MLIP: variants seen among roughly 807,000 people sequenced by gnomAD.
The protein encoded by MLIP is muscular LMNA-interacting protein.
A neutral mutation model predicts 84.8 loss-of-function variants in MLIP; 79 were observed. The observed-to-expected ratio is 0.93, with a 90% CI of 0.78 to 1.12. The LOEUF is 1.12. Ranked by LOEUF, MLIP falls within the 50% of genes most tolerant of loss-of-function variation. The pLI, the probability that MLIP is intolerant of heterozygous loss-of-function variation, is 0.00. For synonymous variants in MLIP, 504 were observed against 463.0 expected (o/e 1.09, Z -1.14); for missense variants, 1,257 against 1,160.6 (o/e 1.08, Z -1.21).
At chr6:54,048,629 C>A (rs1269684503) in intron 1 of MLIP, among the ~76,000 whole-genome samples, 1 of 152,096 alleles carries the variant, frequency 6.6e-6, no homozygotes, top group Admixed American at 6.6e-5. Flanking sequence ...GGAGCTAAAA[C>A]GAATGTTCAA....
At chr6:54,112,920 TA>T (rs1253612160) in intron 1 of MLIP, among the ~76,000 whole-genome samples, 1 of 152,174 alleles carries the variant, frequency 6.6e-6, no homozygotes, top group Non-Finnish European at 1.5e-5. Flanking sequence ...TGTCAACTTT[TA>T]AAAAGTTCAT....
At chr6:54,075,247 CAAAAAA>C (rs35589839) in intron 1 of MLIP, among the ~76,000 whole-genome samples, 3 of 93,894 alleles carry the variant, frequency 3.2e-5, no homozygotes, top group Non-Finnish European at 6.1e-5. Flanking sequence ...AACTCCGTCT[CAAAAAA>C]AAAAAAAAAA....
At chr6:54,175,934 T>C (rs1012444269) in intron 9 of MLIP, among the ~76,000 whole-genome samples, 2 of 152,046 alleles carry the variant, frequency 1.3e-5, no homozygotes, top group African/African-American at 4.8e-5. Context: ...GAGAGTTTTT[T>C]AATCATGAAG....
At chr6:54,168,325 T>C (rs1163416527) in intron 8 of MLIP, among the ~76,000 whole-genome samples, 2 of 151,746 alleles carry the variant, frequency 1.3e-5, no homozygotes, top group East Asian at 1.9e-4. Context: ...AATTGTAGAC[T>C]CCCAGCACTC....
rs948038108 is a variant in MLIP, at chr6:54,136,062, T to C, written c.646-653T>C. ...AATCATTTGTTAAATGTTCATTATA[T>C]GTTCATGTTAAATGTTCATTCTGGC... On this transcript the variant is annotated intron_variant, in intron 3 of 13. Coordinates refer to ENST00000502396, the MANE Select transcript of MLIP (RefSeq NM_001281747.2). 2.0e-5 allele frequency among the ~76,000 whole-genome samples: 3 copies of C among 152,332 alleles called. No homozygotes were observed. In the East Asian group the frequency reaches 5.8e-4, roughly 29 times the overall value.
At chr6:54,219,903 C>T (rs1416306589) in intron 11 of MLIP, among the ~76,000 whole-genome samples, 2 of 152,186 alleles carry the variant, frequency 1.3e-5, no homozygotes, top group African/African-American at 2.4e-5. Context: ...GCTAGACATA[C>T]GATTTATCAT....
chr6:54,105,041 A>C (rs529185625), intron 1 of MLIP, among the ~76,000 whole-genome samples: 1 of 152,302 alleles, frequency 6.6e-6, no homozygotes, highest in East Asian at 1.9e-4. Flanking sequence ...GATAACGCTG[A>C]TCTAGAACCT....
intron 5 of MLIP, among the ~76,000 whole-genome samples, chr6:54,152,231 AG>A (rs1476980747): frequency 1.3e-5 from 2 of 152,170 alleles, no homozygotes; most frequent in Non-Finnish European, 2.9e-5. Context: ...ATGATTATAA[AG>A]TAATCAGATT....
chr6:54,249,697 T>TG (rs1429944781), intron 12 of MLIP, among the ~76,000 whole-genome samples: 1 of 149,976 alleles, frequency 6.7e-6, no homozygotes, highest in Non-Finnish European at 1.5e-5. Flanking sequence ...GAAATGTCTT[T>TG]GGGGAAATGA....
intron 1 of MLIP, among the ~76,000 whole-genome samples, chr6:54,019,909 G>T (rs149248246): frequency 6.9e-4 from 105 of 152,158 alleles, no homozygotes; most frequent in Middle Eastern, 3.4e-3. Context: ...AACCATACTG[G>T]GTTGAAAACT....
At chr6:54,246,949 C>A (rs995796285) in intron 12 of MLIP, among the ~76,000 whole-genome samples, 1 of 152,026 alleles carries the variant, frequency 6.6e-6, no homozygotes, top group Non-Finnish European at 1.5e-5. Flanking sequence ...TTTATTTTTA[C>A]GGCAGCAACA....
Position 54,137,465 on chromosome 6 carries a change from C to A in MLIP, c.1396C>A (p.Leu466Ile). ...KQTPPTPKKS[L>I]SSCSLRAGSP... ...GACCCCACCCACGCCTAAAAAATCT[C>A]TCTCAAGTTGTTCCCTGAGAGCCGG... Residue 466 changes from leucine to isoleucine, a missense_variant, in exon 4 of 14, where the codon CTC (leucine) becomes ATC (isoleucine). Physicochemically the swap from Leu to Ile is conservative, Grantham distance 5 (BLOSUM62 2). Coordinates refer to ENST00000502396, the MANE Select transcript of MLIP (RefSeq NM_001281747.2). The A allele has an allele frequency of 6.5e-7, 1 of 1,536,090 alleles. No individual in the cohort carries two copies. Among genetic ancestry groups the A allele is most frequent in the Non-Finnish European group, 8.7e-7 (1 of 1,146,898 alleles).
intron 11 of MLIP, among the ~76,000 whole-genome samples, chr6:54,208,567 C>T (rs1406612917): frequency 2.0e-5 from 3 of 152,198 alleles, no homozygotes; most frequent in East Asian, 3.9e-4. Flanking sequence ...GCCTGAGCAA[C>T]AAAACAAGAC....
At chr6:54,119,326 AGTACATATACACAGTGGAATACTATTC>A (rs1215716018) in intron 1 of MLIP, among the ~76,000 whole-genome samples, 1 of 152,250 alleles carries the variant, frequency 6.6e-6, no homozygotes, top group African/African-American at 2.4e-5. Flanking sequence ...GAGAAAATGT[AGTACATATACACAGTGGAATACTATTC>A]AGCTATGAAA....
intron 9 of MLIP, 131 bp downstream of exon 9, chr6:54,169,703 G>T: frequency 2.1e-6 from 1 of 467,020 alleles, no homozygotes; most frequent in Non-Finnish European, 3.6e-6. Flanking sequence ...AGGATGATAT[G>T]ATTGCAGATA....
chr6:54,105,315 G>A (rs777375031), intron 1 of MLIP, among the ~76,000 whole-genome samples: 2 of 152,126 alleles, frequency 1.3e-5, no homozygotes, highest in South Asian at 2.1e-4. Context: ...GGCTGTGAAC[G>A]CCAGTGATTT....
At chr6:54,181,367 C>T (rs1776848102) in intron 9 of MLIP, among the ~76,000 whole-genome samples, 1 of 150,316 alleles carries the variant, frequency 6.7e-6, no homozygotes, top group Non-Finnish European at 1.5e-5. Flanking sequence ...GCTCTTTAGT[C>T]AGCGTGTGGG....
chr6:54,169,046 T>A (rs1055249186), intron 8 of MLIP, among the ~76,000 whole-genome samples: 1 of 151,688 alleles, frequency 6.6e-6, no homozygotes, highest in Non-Finnish European at 1.5e-5. Context: ...ACTAGAGAAA[T>A]GAAGATGGTG....
intron 9 of MLIP, among the ~76,000 whole-genome samples, chr6:54,187,136 G>A (rs1777475621): frequency 6.6e-6 from 1 of 152,140 alleles, no homozygotes; most frequent in African/African-American, 2.4e-5. Context: ...GATAATGTGG[G>A]GATCTGCCAT....
Sources: gnomAD v4.1 joint callset for allele counts (sites outside exome capture counted in the v4.1 genomes callset) on GRCh38, gnomAD v4.1.1 for gene constraint, MANE v1.5 for transcripts, NCBI Gene and HGNC (gene_info 2026-07-23, HGNC 2026-07-21) for gene names.